The following SHROOM3 variants were observed in gnomAD, a reference collection of about 807,000 sequenced individuals.
The protein encoded by SHROOM3 is protein Shroom3.
SHROOM3 carries 47 observed loss-of-function variants against 138.6 expected under a neutral mutation model. That is an observed-to-expected ratio of 0.34 (90% CI 0.27 to 0.43). The LOEUF (loss-of-function observed/expected upper bound fraction) is 0.43. Ranked by LOEUF, SHROOM3 falls within the 20% of genes least tolerant of loss-of-function variation. The probability of loss-of-function intolerance (pLI) is 1.00; values close to 1 mark genes in which losing one functional copy is unlikely to be tolerated. For synonymous variants in SHROOM3, 1,062 were observed against 1,063.3 expected, an observed-to-expected ratio of 1.00 and a Z score of 0.02; for missense variants, 2,491 against 2,596.5, an observed-to-expected ratio of 0.96 and a Z score of 0.88.
intron 1 of SHROOM3, among the ~76,000 whole-genome samples, chr4:76,482,183 G>C (rs113737938): frequency 0.048 from 7,364 of 151,876 alleles, 206 homozygotes; most frequent in Middle Eastern, 0.077. Context: ...AGAAATAAAG[G>C]GTATTCAAAT....
intron 1 of SHROOM3, among the ~76,000 whole-genome samples, chr4:76,438,611 C>T (rs1730607533): frequency 6.6e-6 from 1 of 152,184 alleles, no homozygotes; most frequent in African/African-American, 2.4e-5. Context: ...CTGAGGTTTT[C>T]CTGATGTCAC....
chr4:76,650,519 ATATTTATTTATTTATTTATT>A (rs3045185), intron 2 of SHROOM3, among the ~76,000 whole-genome samples: 38 of 145,612 alleles, frequency 2.6e-4, no homozygotes, highest in African/African-American at 5.1e-4. Flanking sequence ...TTTTTTAAGT[ATATTTATTTATTTATTTATT>A]TATTTATTTA....
At chr4:76,439,020 A>G (rs1023780271) in intron 1 of SHROOM3, among the ~76,000 whole-genome samples, 3 of 152,232 alleles carry the variant, frequency 2.0e-5, no homozygotes, top group African/African-American at 4.8e-5. Flanking sequence ...ATGGCTTAAA[A>G]ACAACACAAC....
chr4:76,742,108 A>G, intron 5 of SHROOM3, 182 bp downstream of exon 5: 1 of 788,184 alleles, frequency 1.3e-6, no homozygotes. Flanking sequence ...TGGTTTCCTT[A>G]TAAAGATATA....
chr4:76,761,956 A>C (rs962548889), intron 9 of SHROOM3, among the ~76,000 whole-genome samples: 3 of 152,192 alleles, frequency 2.0e-5, no homozygotes. Context: ...TTTACCGTTT[A>C]ACTGAAGAAA....
intron 2 of SHROOM3, among the ~76,000 whole-genome samples, chr4:76,702,621 C>A (rs1719935113): frequency 6.6e-6 from 1 of 152,162 alleles, no homozygotes; most frequent in Non-Finnish European, 1.5e-5. Flanking sequence ...CCACATCGTC[C>A]ATATACATTA....
At chr4:76,568,797 A>G (rs143150719) in intron 2 of SHROOM3, among the ~76,000 whole-genome samples, 1 of 152,242 alleles carries the variant, frequency 6.6e-6, no homozygotes, top group African/African-American at 2.4e-5. Flanking sequence ...CCCACCTCCT[A>G]CCCCTCAGGG....
chr4:76,638,196 T>C (rs13125006), intron 2 of SHROOM3, among the ~76,000 whole-genome samples: 1 of 152,220 alleles, frequency 6.6e-6, no homozygotes, highest in Non-Finnish European at 1.5e-5. Context: ...TCTGATGTTG[T>C]ATATTTATAA....
chr4:76,707,106 C>T (rs559693585), intron 2 of SHROOM3, among the ~76,000 whole-genome samples: 1 of 152,276 alleles, frequency 6.6e-6, no homozygotes, highest in South Asian at 2.1e-4. Context: ...TTAAGTGAGA[C>T]ATTGTACCTT....
In SHROOM3 at chr4:76,647,023, G is replaced by T. The variant is rs898732215; in HGVS notation, c.324-63133G>T. 3.3e-5 allele frequency among the ~76,000 whole-genome samples: 5 copies of T among 152,112 alleles called. No individual in the cohort carries two copies. In the East Asian group the frequency reaches 7.7e-4, roughly 23 times the overall value. ...GATATGGAATCCTAAGTGTTCATCA[G>T]CGGGCAAAAGGATAAAGAAAATGTA... On this transcript the variant is annotated intron_variant, in intron 2 of 10. Coordinates refer to ENST00000296043, the MANE Select transcript of SHROOM3 (RefSeq NM_020859.4).
intron 2 of SHROOM3, among the ~76,000 whole-genome samples, chr4:76,646,179 C>T (rs533187514): frequency 5.0e-5 from 7 of 140,706 alleles, no homozygotes; most frequent in African/African-American, 1.6e-4. Context: ...TGTAACAAAC[C>T]TGCATGTTGT....
intron 1 of SHROOM3, among the ~76,000 whole-genome samples, chr4:76,493,087 G>T (rs1038591610): frequency 1.3e-5 from 2 of 152,012 alleles, no homozygotes; most frequent in Non-Finnish European, 1.5e-5. Context: ...TGGCCATGGT[G>T]GTGGGTGTCT....
chr4:76,608,600 C>CATTGGACAGAGATGGT (rs1734680373), intron 2 of SHROOM3, among the ~76,000 whole-genome samples: 1 of 110,042 alleles, frequency 9.1e-6, no homozygotes, highest in African/African-American at 3.6e-5. Flanking sequence ...CATAGCATAG[C>CATTGGACAGAGATGGT]ATAGCATAGC....
intron 3 of SHROOM3, among the ~76,000 whole-genome samples, chr4:76,722,091 G>A (rs1720570482): frequency 6.6e-6 from 1 of 152,114 alleles, no homozygotes; most frequent in African/African-American, 2.4e-5. Flanking sequence ...CTATGATCAT[G>A]CCACTGCACT....
At chr4:76,583,447 T>C in intron 2 of SHROOM3, among the ~76,000 whole-genome samples, 1 of 152,208 alleles carries the variant, frequency 6.6e-6, no homozygotes, top group East Asian at 1.9e-4. Context: ...CCAAGCACTA[T>C]GCTAAGTGCT....
intron 9 of SHROOM3, among the ~76,000 whole-genome samples, chr4:76,765,441 C>CG (rs1042629811): frequency 3.9e-5 from 6 of 152,082 alleles, no homozygotes; most frequent in African/African-American, 1.4e-4. Flanking sequence ...TCACCTGAGC[C>CG]GGGGGGTTGA....
chr4:76,446,135 C>T (rs1486597756), intron 1 of SHROOM3, among the ~76,000 whole-genome samples: 1 of 152,102 alleles, frequency 6.6e-6, no homozygotes, highest in Non-Finnish European at 1.5e-5. Context: ...GTAAGCATTG[C>T]AAAACTCTGG....
chr4:76,695,535 G>T (rs980265957), intron 2 of SHROOM3, among the ~76,000 whole-genome samples: 1 of 152,156 alleles, frequency 6.6e-6, no homozygotes, highest in African/African-American at 2.4e-5. Flanking sequence ...CCCAGATTCT[G>T]GAGAACCTTG....
chr4:76,532,881 C>T (rs1252308257), intron 1 of SHROOM3, among the ~76,000 whole-genome samples: 1 of 152,090 alleles, frequency 6.6e-6, no homozygotes, highest in Non-Finnish European at 1.5e-5. Flanking sequence ...CACTTTAGAA[C>T]CATTATTAAG....
Sources: allele counts gnomAD v4.1 joint callset (sites outside exome capture counted in the v4.1 genomes callset), GRCh38; gene constraint gnomAD v4.1.1; transcripts MANE v1.5; gene names NCBI Gene and HGNC (gene_info 2026-07-23, HGNC 2026-07-21).